PLEKHA7: variants seen among roughly 807,000 people sequenced by gnomAD.
PLEKHA7 encodes the protein pleckstrin homology domain-containing family A member 7.
Under a neutral mutation model 170.0 loss-of-function variants are expected in PLEKHA7, and 104 were observed. That is an observed-to-expected ratio of 0.61 (90% confidence interval 0.52 to 0.72). PLEKHA7 has a LOEUF of 0.72. Ranked by LOEUF, PLEKHA7 falls within the 30% of genes least tolerant of loss-of-function variation. The pLI, the probability that PLEKHA7 is intolerant of heterozygous loss-of-function variation, is 0.00. For missense variants in PLEKHA7, 1,615 were observed against 1,671.7 expected (o/e 0.97, Z 0.59); for synonymous variants, 648 against 660.8 (o/e 0.98, Z 0.30).
intron 3 of PLEKHA7, among the ~76,000 whole-genome samples, chr11:16,927,453 G>C (rs1859639074): frequency 6.6e-6 from 1 of 152,040 alleles, no homozygotes; most frequent in South Asian, 2.1e-4. Flanking sequence ...CCACCCTTCT[G>C]TTATCTTTCC....
chr11:16,893,346 G>T (rs555198748), intron 3 of PLEKHA7, among the ~76,000 whole-genome samples: 4 of 152,290 alleles, frequency 2.6e-5, no homozygotes, highest in African/African-American at 9.6e-5. Flanking sequence ...ATAATACCAA[G>T]CAAGTGGGAA....
chr11:16,891,378 T>C (rs762950746), intron 3 of PLEKHA7, among the ~76,000 whole-genome samples: 1 of 152,160 alleles, frequency 6.6e-6, no homozygotes, highest in Non-Finnish European at 1.5e-5. Flanking sequence ...AGGCCAGGAA[T>C]GCCAAGAATT....
chr11:16,823,378 T>C (rs1311172086), intron 10 of PLEKHA7, among the ~76,000 whole-genome samples: 1 of 152,124 alleles, frequency 6.6e-6, no homozygotes, highest in African/African-American at 2.4e-5. Flanking sequence ...ATCTCTGGCG[T>C]TGGGCCTCAA....
intron 4 of PLEKHA7, among the ~76,000 whole-genome samples, chr11:16,868,861 G>A (rs773411439): frequency 1.3e-5 from 2 of 152,220 alleles, no homozygotes; most frequent in Non-Finnish European, 2.9e-5. Flanking sequence ...GAAGTGGTCA[G>A]TAGACAAAGT....
chr11:16,806,917 T>A (rs1009824939), intron 13 of PLEKHA7, among the ~76,000 whole-genome samples: 9 of 152,222 alleles, frequency 5.9e-5, no homozygotes, highest in Non-Finnish European at 1.0e-4. Context: ...TCCCCCACCC[T>A]TGGCAGCACA....
intron 13 of PLEKHA7, among the ~76,000 whole-genome samples, chr11:16,812,167 AACAG>A (rs1232032369): frequency 6.6e-6 from 1 of 152,266 alleles, no homozygotes; most frequent in African/African-American, 2.4e-5. Context: ...GCAAGTGTTC[AACAG>A]ACACAGAATT....
intron 3 of PLEKHA7, among the ~76,000 whole-genome samples, chr11:17,002,368 C>T (rs945682736): frequency 1.3e-5 from 2 of 151,716 alleles, no homozygotes; most frequent in African/African-American, 4.8e-5. Flanking sequence ...GGTACCACTG[C>T]ACCCCAGCCT....
At position 16,790,923 on chromosome 11, in the gene PLEKHA7, CAG is replaced by C; in HGVS notation, c.2935-10_2935-9del. 1 of 1,613,578 alleles carries C rather than the reference CAG, an allele frequency of 6.2e-7. No homozygotes were observed. Among genetic ancestry groups the C allele is most frequent in the Non-Finnish European group, 8.5e-7 (1 of 1,179,822 alleles). On this transcript the variant is annotated splice_polypyrimidine_tract_variant and intron_variant, in intron 20 of 26. Transcript: ENST00000531066. ...ATACGACCGCAGCTCCACCTGTGGG[CAG>C]AGTCCCAGGTGATGTGACCTGCCAG...
chr11:16,899,287 G>T (rs984160109), intron 3 of PLEKHA7, among the ~76,000 whole-genome samples: 1 of 152,086 alleles, frequency 6.6e-6, no homozygotes, highest in African/African-American at 2.4e-5. Context: ...ACCTGAGGTC[G>T]GGAGTTTGAG....
At chr11:16,831,961 T>C (rs942631050) in intron 9 of PLEKHA7, among the ~76,000 whole-genome samples, 1 of 152,216 alleles carries the variant, frequency 6.6e-6, no homozygotes, top group Admixed American at 6.5e-5. Context: ...TAGCTGAGGA[T>C]GATCATATAA....
intron 13 of PLEKHA7, among the ~76,000 whole-genome samples, chr11:16,809,369 G>A (rs1174366187): frequency 6.6e-6 from 1 of 152,144 alleles, no homozygotes; most frequent in East Asian, 1.9e-4. Context: ...GGACATGGGG[G>A]ACACCAAGTC....
intron 6 of PLEKHA7, among the ~76,000 whole-genome samples, chr11:16,853,928 C>T (rs1487972185): frequency 6.6e-6 from 1 of 152,200 alleles, no homozygotes; most frequent in African/African-American, 2.4e-5. Context: ...TCCCACAAAG[C>T]TTCACCAAAA....
intron 3 of PLEKHA7, among the ~76,000 whole-genome samples, chr11:16,972,190 C>T (rs1862762156): frequency 6.6e-6 from 1 of 151,690 alleles, no homozygotes; most frequent in Non-Finnish European, 1.5e-5. Context: ...TGGCATGATC[C>T]TAACTCACTG....
At chr11:16,922,787 C>G (rs1343566024) in intron 3 of PLEKHA7, among the ~76,000 whole-genome samples, 1 of 152,128 alleles carries the variant, frequency 6.6e-6, no homozygotes, top group African/African-American at 2.4e-5. Context: ...AACCAAGTAC[C>G]TCTTTTAAGA....
At chr11:16,824,333 C>T (rs1850468451) in intron 10 of PLEKHA7, among the ~76,000 whole-genome samples, 1 of 151,946 alleles carries the variant, frequency 6.6e-6, no homozygotes, top group South Asian at 2.1e-4. Context: ...TCGAATCCAG[C>T]CTGGTCAACA....
At chr11:16,948,845 C>A (rs945598987) in intron 3 of PLEKHA7, among the ~76,000 whole-genome samples, 3 of 152,252 alleles carry the variant, frequency 2.0e-5, no homozygotes, top group African/African-American at 7.2e-5. Flanking sequence ...CCCTTGCCCA[C>A]TTTCCCGCTT....
At chr11:16,972,227 A>T (rs186980852) in intron 3 of PLEKHA7, among the ~76,000 whole-genome samples, 3 of 151,730 alleles carry the variant, frequency 2.0e-5, no homozygotes, top group Admixed American at 2.0e-4. Context: ...GGCTCAACTG[A>T]TCCTCCACCT....
chr11:16,852,360 A>C lies in PLEKHA7; in HGVS notation c.523-5T>G, dbSNP rs1853044196. 1 of 1,613,556 alleles carries C rather than the reference A, an allele frequency of 6.2e-7. No individual in the cohort carries two copies. Among genetic ancestry groups the C allele is most frequent in the African/African-American group, 1.3e-5 (1 of 74,930 alleles). On this transcript the variant is annotated splice_region_variant and splice_polypyrimidine_tract_variant and intron_variant, in intron 6 of 26. Transcript: ENST00000531066. ...CAGCCTCATCCCAGAACTGTCCTGC[A>C]AAGCAAAGAAAACTAGTCAGGGTAA...
intron 3 of PLEKHA7, among the ~76,000 whole-genome samples, chr11:16,888,397 TAGAC>T: frequency 1.3e-5 from 2 of 151,648 alleles, no homozygotes; most frequent in African/African-American, 4.9e-5. Context: ...TTTTGTTGAG[TAGAC>T]GGGGGGGAAA....
Sources: gnomAD v4.1 joint callset for allele counts (sites outside exome capture counted in the v4.1 genomes callset) on GRCh38, gnomAD v4.1.1 for gene constraint, MANE v1.5 for transcripts, NCBI Gene and HGNC (gene_info 2026-07-23, HGNC 2026-07-21) for gene names.